TAF3: variants seen among roughly 807,000 people sequenced by gnomAD.
The protein encoded by TAF3 is TATA-box binding protein associated factor 3.
In TAF3, 7 loss-of-function variants were observed where a neutral mutation model predicts 80.6. The ratio of observed to expected loss-of-function variants is 0.09; its 90% CI spans 0.05 to 0.16. The LOEUF (loss-of-function observed/expected upper bound fraction) is 0.16. Among genes scored for constraint, TAF3 ranks in the 10% least tolerant of loss-of-function variants. TAF3 has a pLI of 1.00. For missense variants in TAF3, 921 were observed against 1,140.2 expected, an observed-to-expected ratio of 0.81 and a Z score of 2.77; for synonymous variants, 444 against 446.1, an observed-to-expected ratio of 1.00 and a Z score of 0.06.
At chr10:7,922,672 G>T (rs370542451) in intron 2 of TAF3, among the ~76,000 whole-genome samples, 1 of 152,010 alleles carries the variant, frequency 6.6e-6, no homozygotes, top group African/African-American at 2.4e-5. Flanking sequence ...CAGATGGCTG[G>T]CAATCCCTTG....
intron 4 of TAF3, among the ~76,000 whole-genome samples, chr10:8,002,799 A>G (rs1009666808): frequency 9.9e-5 from 15 of 152,140 alleles, no homozygotes; most frequent in African/African-American, 7.2e-5. Flanking sequence ...ATCTGTGGCT[A>G]TGATTGCAGA....
intron 2 of TAF3, among the ~76,000 whole-genome samples, chr10:7,842,157 T>TTTGTTTG (rs1836922532): frequency 8.1e-6 from 1 of 122,876 alleles, no homozygotes; most frequent in African/African-American, 3.1e-5. Context: ...TATTGTTTTT[T>TTTGTTTG]TTTTTTGTTT....
chr10:7,842,660 G>A (rs1836929950), intron 2 of TAF3, among the ~76,000 whole-genome samples: 1 of 152,062 alleles, frequency 6.6e-6, no homozygotes, highest in Non-Finnish European at 1.5e-5. Context: ...GTATGTCATT[G>A]AAGCGTGACA....
chr10:7,884,917 G>A (rs1203027580), intron 2 of TAF3, among the ~76,000 whole-genome samples: 1 of 151,664 alleles, frequency 6.6e-6, no homozygotes, highest in African/African-American at 2.4e-5. Flanking sequence ...CACTATCTGT[G>A]TAATTCTAGA....
chr10:7,848,029 C>T (rs1836989360), intron 2 of TAF3, among the ~76,000 whole-genome samples: 1 of 152,196 alleles, frequency 6.6e-6, no homozygotes, highest in Non-Finnish European at 1.5e-5. Flanking sequence ...CTTGGCTTCC[C>T]AAAGTGCTGG....
At chr10:7,894,937 A>T (rs368647092) in intron 2 of TAF3, among the ~76,000 whole-genome samples, 1 of 152,074 alleles carries the variant, frequency 6.6e-6, no homozygotes, top group Non-Finnish European at 1.5e-5. Context: ...GTGCAGTGGC[A>T]TGGTCTTGGC....
At chr10:8,012,891 C>G (rs1832068542) in intron 5 of TAF3, among the ~76,000 whole-genome samples, 1 of 152,176 alleles carries the variant, frequency 6.6e-6, no homozygotes, top group African/African-American at 2.4e-5. Context: ...ATAATGTGCT[C>G]TGTTATTGTA....
chr10:7,874,084 A>G (rs945684352), intron 2 of TAF3, among the ~76,000 whole-genome samples: 2 of 152,246 alleles, frequency 1.3e-5, no homozygotes, highest in Non-Finnish European at 2.9e-5. Context: ...TATTATTGCC[A>G]AGCTCTTAAT....
intron 2 of TAF3, among the ~76,000 whole-genome samples, chr10:7,906,046 G>A (rs1425944637): frequency 2.6e-5 from 4 of 152,156 alleles, no homozygotes; most frequent in Admixed American, 1.3e-4. Flanking sequence ...TATTGTGTCA[G>A]GATAATTAAA....
rs1419957204 is a variant in TAF3 at position 7,873,100 on chromosome 10, T to C, written c.409+48540T>C. Among the ~76,000 whole-genome samples the C allele has an allele frequency of 8.5e-5, 13 of 152,178 alleles. No homozygotes were observed. In the East Asian group the frequency reaches 1.3e-3, roughly 16 times the overall value. Reference sequence around the variant, plus strand: ...AACTGAAAAAATTAAAAGTAATAATTTAATATGTTTATAATTAATTTCATT... The same window carrying C: ...AACTGAAAAAATTAAAAGTAATAATCTAATATGTTTATAATTAATTTCATT... On this transcript the variant is annotated intron_variant, in intron 2 of 6. Transcript: ENST00000344293.
chr10:8,005,531 C>T (rs1237160657), intron 4 of TAF3, among the ~76,000 whole-genome samples: 1 of 152,214 alleles, frequency 6.6e-6, no homozygotes, highest in Non-Finnish European at 1.5e-5. Flanking sequence ...TCTATTACAC[C>T]TTCCACTTCG....
At chr10:7,859,319 A>T (rs538894928) in intron 2 of TAF3, among the ~76,000 whole-genome samples, 5 of 149,856 alleles carry the variant, frequency 3.3e-5, no homozygotes, top group African/African-American at 7.4e-5. Flanking sequence ...AATAAATAAA[A>T]GAGAAGTGTG....
At chr10:7,945,792 C>T (rs773753481) in intron 2 of TAF3, among the ~76,000 whole-genome samples, 8 of 152,190 alleles carry the variant, frequency 5.3e-5, no homozygotes, top group South Asian at 2.1e-4. Flanking sequence ...TGTCTAAAGT[C>T]GCCCTTTTTC....
chr10:8,006,485 T>C (rs1831995063), intron 4 of TAF3, among the ~76,000 whole-genome samples: 1 of 152,190 alleles, frequency 6.6e-6, no homozygotes, highest in African/African-American at 2.4e-5. Context: ...TAGAAAGTGC[T>C]CAATAAATAT....
At chr10:7,876,069 C>A (rs1350378655) in intron 2 of TAF3, among the ~76,000 whole-genome samples, 1 of 151,572 alleles carries the variant, frequency 6.6e-6, no homozygotes, top group Non-Finnish European at 1.5e-5. Context: ...CTCCTTTTTA[C>A]TTATAATTTA....
chr10:7,975,779 T>C (rs905308793), intron 3 of TAF3, among the ~76,000 whole-genome samples: 11 of 152,232 alleles, frequency 7.2e-5, no homozygotes, highest in Non-Finnish European at 1.5e-4. Flanking sequence ...TGTACTATAT[T>C]AACTTTATGA....
Position 8,014,665 on chromosome 10 carries a change from C to G in TAF3, c.2704C>G (p.Pro902Ala). 2 of 1,613,122 alleles carry G rather than the reference C, an allele frequency of 1.2e-6. No individual in the cohort carries two copies. The highest frequency in any genetic ancestry group is 1.3e-5 in the African/African-American group (1 of 75,004). The change falls in exon 7 of 7, where the codon CCA (proline) becomes GCA (alanine). Residue 902 changes from proline to alanine, a missense_variant. By Grantham distance (27) the Pro-to-Ala change is conservative. Coordinates refer to ENST00000344293, the MANE Select transcript of TAF3 (RefSeq NM_031923.4). ...CTGTGTTGGAATCATGACTGCACCC[C>G]CAGAAGAGATGCAGTGGTTCTGCCC... ...WPCVGIMTAPPEEMQWFCPKC... is the reference protein window; with the variant it reads ...WPCVGIMTAPAEEMQWFCPKC...
At chr10:7,883,735 T>C (rs1416425837) in intron 2 of TAF3, among the ~76,000 whole-genome samples, 2 of 152,218 alleles carry the variant, frequency 1.3e-5, no homozygotes, top group Non-Finnish European at 2.9e-5. Flanking sequence ...TATTCATGTA[T>C]TGATATCCGC....
In TAF3 at chr10:7,871,992, A is replaced by G. The variant is rs571725294; in HGVS notation, c.409+47432A>G. Among the ~76,000 whole-genome samples the G allele has an allele frequency of 3.3e-5, 5 of 152,334 alleles. No homozygotes were observed. In the East Asian group the frequency reaches 9.6e-4, roughly 29 times the overall value. On this transcript the variant is annotated intron_variant, in intron 2 of 6. Transcript: ENST00000344293. ...ATTCACAGTTATTTCAAAACTATAAATTTAATCGGGACGCTTTTCACATGT... is the reference window on the plus strand; with the variant it reads ...ATTCACAGTTATTTCAAAACTATAAGTTTAATCGGGACGCTTTTCACATGT...
Sources: gnomAD v4.1 joint callset for allele counts (sites outside exome capture counted in the v4.1 genomes callset) on GRCh38, gnomAD v4.1.1 for gene constraint, MANE v1.5 for transcripts, NCBI Gene and HGNC (gene_info 2026-07-23, HGNC 2026-07-21) for gene names.